The following LONRF2 variants were observed in gnomAD, a reference collection of about 807,000 sequenced individuals.
LONRF2 encodes the protein LON peptidase N-terminal domain and RING finger protein 2.
In LONRF2, 35 loss-of-function variants were observed where a neutral mutation model predicts 66.6. The ratio of observed to expected loss-of-function variants is 0.53; its 90% confidence interval spans 0.40 to 0.70. The LOEUF is 0.70. Ranked by LOEUF, LONRF2 falls within the 30% of genes least tolerant of loss-of-function variation. LONRF2 has a pLI of 0.00. For missense variants in LONRF2, 902 were observed against 1,002.1 expected, an observed-to-expected ratio of 0.90 and a Z score of 1.35; for synonymous variants, 417 against 418.1, an observed-to-expected ratio of 1.00 and a Z score of 0.03.
At chr2:100,288,502 G>A (rs1362443299) in intron 10 of LONRF2, among the ~76,000 whole-genome samples, 1 of 152,188 alleles carries the variant, frequency 6.6e-6, no homozygotes, top group East Asian at 1.9e-4. Context: ...ATAATTTACA[G>A]ACCAAAAAGT....
At chr2:100,304,997 T>A (rs2105729320) in intron 2 of LONRF2, among the ~76,000 whole-genome samples, 1 of 152,106 alleles carries the variant, frequency 6.6e-6, no homozygotes, top group Admixed American at 6.5e-5. Context: ...TAAGCCAGGA[T>A]TTGGCCAGAG....
chr2:100,295,646 G>A (rs1675050944), intron 7 of LONRF2, 93 bp from the exon 8 acceptor site: 1 of 1,321,076 alleles, frequency 7.6e-7, no homozygotes, highest in Non-Finnish European at 1.0e-6. Context: ...GGTGGTGGGT[G>A]GGATCTCTGA....
chr2:100,306,196 G>C (rs10166685), intron 2 of LONRF2, among the ~76,000 whole-genome samples: 17 of 152,068 alleles, frequency 1.1e-4, no homozygotes, highest in African/African-American at 1.9e-4. Context: ...TTACAGGTGT[G>C]AGCCACCACA....
chr2:100,307,097 T>G (rs1675312465), intron 2 of LONRF2, among the ~76,000 whole-genome samples: 1 of 152,048 alleles, frequency 6.6e-6, no homozygotes, highest in South Asian at 2.1e-4. Flanking sequence ...ATTTTTTGTA[T>G]TTTTAGTAGA....
At position 100,279,388 on chromosome 2, in the gene LONRF2, T is replaced by A. The variant is rs1559172676; in HGVS notation, c.*4910A>T. 1 of 150,716 alleles carries A rather than the reference T, an allele frequency of 6.6e-6. No homozygotes were observed. 9.3% of individuals were successfully genotyped at this position (150,716 alleles called of 1,614,324 possible). A position where few individuals can be genotyped will look rare whatever the true frequency, so the allele number is the denominator to read the frequency against. On this transcript the variant is annotated 3_prime_UTR_variant, in exon 12 of 12. Transcript: ENST00000393437. ...GCCACACACATGAGAGACTCAGCTA[T>A]GGGCCAGCCTAAGGGACTCCTGTAT...
At chr2:100,288,230 C>G (rs369006001) in intron 10 of LONRF2, among the ~76,000 whole-genome samples, 16 of 152,266 alleles carry the variant, frequency 1.1e-4, no homozygotes, top group African/African-American at 3.1e-4. Flanking sequence ...AGCCTGGGAG[C>G]TGGGCTCCCT....
At chr2:100,318,627 G>A (rs1675557371) in intron 1 of LONRF2, among the ~76,000 whole-genome samples, 1 of 149,860 alleles carries the variant, frequency 6.7e-6, no homozygotes, top group Non-Finnish European at 1.5e-5. Context: ...AGGAGTTGGA[G>A]ATCAGCCCGG....
At chr2:100,287,436 T>TG (rs1264294429) in intron 10 of LONRF2, among the ~76,000 whole-genome samples, 2 of 152,342 alleles carry the variant, frequency 1.3e-5, no homozygotes, top group East Asian at 3.9e-4. Flanking sequence ...TAAACATTTA[T>TG]GGAAAAGTTG....
intron 4 of LONRF2, 132 bp from the exon 5 acceptor site, chr2:100,300,050 G>T: frequency 8.3e-6 from 5 of 598,852 alleles, no homozygotes; most frequent in East Asian, 5.7e-5. Context: ...TTCATAATTG[G>T]TTTCATCTGT....
rs1268641296 is a variant in LONRF2, at chr2:100,322,123, G to C, written c.-30C>G. 1 of 1,238,136 alleles carries C rather than the reference G, an allele frequency of 8.1e-7. No individual in the cohort carries two copies. The allele number at this position is 1,238,136 out of a possible 1,614,324, so 76.7% of individuals were successfully genotyped here. A position where few individuals can be genotyped will look rare whatever the true frequency, so the allele number is the denominator to read the frequency against. On this transcript the variant is annotated 5_prime_UTR_variant, in exon 1 of 12. Coordinates refer to ENST00000393437, the MANE Select transcript of LONRF2 (RefSeq NM_198461.4). The stretch of plus-strand genomic sequence containing the variant: ...GCGGGGCTGCGACGACGCGGGTCCG[G>C]AGCGAAGGCGCGGAGCAGGGAGGAT...
chr2:100,315,238 G>GT (rs1242067381), intron 1 of LONRF2, among the ~76,000 whole-genome samples: 1 of 152,050 alleles, frequency 6.6e-6, no homozygotes, highest in African/African-American at 2.4e-5. Flanking sequence ...ATTGTTTAAA[G>GT]TTTTTTTCCT....
intron 9 of LONRF2, among the ~76,000 whole-genome samples, chr2:100,291,678 C>T (rs1252545845): frequency 6.6e-6 from 1 of 152,070 alleles, no homozygotes; most frequent in Non-Finnish European, 1.5e-5. Context: ...TGTTGCTGAG[C>T]TAATGCTTCT....
chr2:100,288,379 G>T (rs182152067), intron 10 of LONRF2, among the ~76,000 whole-genome samples: 1 of 152,348 alleles, frequency 6.6e-6, no homozygotes, highest in East Asian at 1.9e-4. Context: ...ATGTGGGGTG[G>T]CTACGTACCC....
At chr2:100,287,649 G>A (rs1398771785) in intron 10 of LONRF2, among the ~76,000 whole-genome samples, 3 of 152,210 alleles carry the variant, frequency 2.0e-5, no homozygotes, top group Non-Finnish European at 2.9e-5. Flanking sequence ...CCAGCTTGTG[G>A]TCGGCCACAG....
intron 3 of LONRF2, among the ~76,000 whole-genome samples, chr2:100,302,404 A>G (rs1229300886): frequency 2.0e-5 from 3 of 152,228 alleles, no homozygotes; most frequent in Non-Finnish European, 4.4e-5. Context: ...AAGCGCAAAC[A>G]TAAAAACATA....
At position 100,307,186 on chromosome 2, in the gene LONRF2, C is replaced by T. The variant is rs1018270495; in HGVS notation, c.798+1921G>A. ...CCGCCCGTCTCGGCCTCCGAAAGTG[C>T]TGGGATTACAGGCGTGAGCCACCGC... On this transcript the variant is annotated intron_variant, in intron 2 of 11. Transcript: ENST00000393437. 3.3e-5 allele frequency among the ~76,000 whole-genome samples: 5 copies of T among 152,182 alleles called. 1 individual carries two copies. The East Asian group carries it at 5.8e-4, about 18-fold the overall frequency.
Position 100,284,333 on chromosome 2 carries a change from G to T in LONRF2, c.2230C>A (p.Gln744Lys), listed in dbSNP as rs781570898. 2.0e-5 allele frequency: 32 copies of T among 1,575,746 alleles called. No individual in the cohort carries two copies. The highest frequency in any genetic ancestry group is 1.6e-5 in the Non-Finnish European group (19 of 1,158,688). ...VIITRKMNSR[Q>K]ELANARERNN ...CTCTCCCTGGCATTAGCCAGCTCTT[G>T]CCGACTATTCATCTTACGCGTGATG... The change falls in exon 12 of 12, where the codon CAA becomes AAA. Residue 744 changes from glutamine (Q) to lysine (K), a missense_variant. By Grantham distance (53) the Gln-to-Lys change is moderately conservative. This residue lies in a region of LONRF2 where 317 missense variants were observed against 432.2 expected (regional missense o/e 0.73). Coordinates refer to ENST00000393437, the MANE Select transcript of LONRF2 (RefSeq NM_198461.4).
chr2:100,290,052 G>A (rs775953167), intron 10 of LONRF2, among the ~76,000 whole-genome samples: 2 of 152,002 alleles, frequency 1.3e-5, no homozygotes, highest in Non-Finnish European at 2.9e-5. Context: ...GGCTGCAGTG[G>A]GCCAAGATCA....
intron 10 of LONRF2, among the ~76,000 whole-genome samples, chr2:100,287,565 T>C (rs1423565388): frequency 6.6e-6 from 1 of 152,218 alleles, no homozygotes; most frequent in African/African-American, 2.4e-5. Context: ...TTGTATTCCA[T>C]ATCACCAAAC....
Sources: gnomAD v4.1 joint callset for allele counts (sites outside exome capture counted in the v4.1 genomes callset) on GRCh38, gnomAD v4.1.1 for gene constraint, gnomAD v4.1.1 regional missense constraint, MANE v1.5 for transcripts, NCBI Gene and HGNC (gene_info 2026-07-23, HGNC 2026-07-21) for gene names.